The following ANLN variants were observed in gnomAD, a reference collection of about 807,000 sequenced individuals.
ANLN encodes anillin, actin binding protein.
ANLN carries 59 observed loss-of-function variants against 135.1 expected under a neutral mutation model. The ratio of observed to expected loss-of-function variants is 0.44; its 90% confidence interval spans 0.35 to 0.54. ANLN has a LOEUF of 0.54. ANLN is among the 20% of genes least tolerant of loss of function. ANLN has a pLI of 0.00. For missense variants in ANLN, 1,182 were observed against 1,340.0 expected (o/e 0.88, Z 1.84); for synonymous variants, 406 against 456.4 (o/e 0.89, Z 1.41).
intron 1 of ANLN, chr7:36,390,672 A>G (rs900972882): frequency 6.6e-6 from 1 of 152,492 alleles, no homozygotes; most frequent in African/African-American, 2.4e-5. Context: ...TGTACCGAGC[A>G]AAACTATCAG....
chr7:36,425,651 A>G (rs1344817358), intron 17 of ANLN, 51 bp from the exon 18 acceptor site: 6 of 1,372,634 alleles, frequency 4.4e-6, no homozygotes, highest in Non-Finnish European at 6.1e-6. Flanking sequence ...TTACTTTCTG[A>G]GACATAATGT....
chr7:36,429,459 G>T (rs1392436778), intron 20 of ANLN, among the ~76,000 whole-genome samples: 1 of 152,136 alleles, frequency 6.6e-6, no homozygotes, highest in South Asian at 2.1e-4. Flanking sequence ...AACCTCAGGC[G>T]ATCTGCTCGC....
intron 21 of ANLN, among the ~76,000 whole-genome samples, chr7:36,441,259 G>C (rs909010264): frequency 1.5e-4 from 23 of 152,254 alleles, no homozygotes; most frequent in Admixed American, 3.9e-4. Context: ...TTTTAGATGG[G>C]CTCTTAACGA....
Position 36,419,497 on chromosome 7 carries a change from A to T in ANLN, c.1869+18A>T. On this transcript the variant is annotated intron_variant, in intron 10 of 23. Transcript: ENST00000265748. ...GTCCAGAGGTAAGAAAAGGCTAACT[A>T]AACAGGCCCAGGACATAAGTAAACT... 1 of 1,599,452 alleles carries T rather than the reference A, an allele frequency of 6.3e-7. No homozygotes were observed.
chr7:36,437,110 TGAA>T (rs1196090711), intron 20 of ANLN, among the ~76,000 whole-genome samples: 2 of 152,364 alleles, frequency 1.3e-5, no homozygotes, highest in East Asian at 3.9e-4. Context: ...TTTGCATGAC[TGAA>T]ATTCTGTACT....
intron 13 of ANLN, among the ~76,000 whole-genome samples, chr7:36,422,269 C>T (rs1209196542): frequency 2.8e-5 from 4 of 144,322 alleles, no homozygotes; most frequent in Admixed American, 2.1e-4. Flanking sequence ...TATATATACA[C>T]ATGTACACAT....
intron 6 of ANLN, 137 bp from the exon 7 acceptor site, chr7:36,410,922 A>G: frequency 1.1e-6 from 1 of 884,408 alleles, no homozygotes. Flanking sequence ...TTCCATGTGT[A>G]TTATGAACTT....
intron 20 of ANLN, among the ~76,000 whole-genome samples, chr7:36,431,220 G>A (rs1788296224): frequency 1.3e-5 from 2 of 152,252 alleles, no homozygotes; most frequent in South Asian, 4.1e-4. Context: ...GGCATATGAT[G>A]TTTTGGTTCT....
intron 15 of ANLN, 126 bp downstream of exon 15, chr7:36,424,069 A>C: frequency 1.0e-6 from 1 of 980,108 alleles, no homozygotes; most frequent in Non-Finnish European, 1.4e-6. Flanking sequence ...TTATATTGAC[A>C]AATAACCCAT....
chr7:36,395,003 A>G (rs1415992813), intron 1 of ANLN, among the ~76,000 whole-genome samples: 1 of 152,230 alleles, frequency 6.6e-6, no homozygotes, highest in Non-Finnish European at 1.5e-5. Context: ...TTAGTTAAAT[A>G]AAACATAAGA....
At chr7:36,429,722 T>C (rs1788236921) in intron 20 of ANLN, among the ~76,000 whole-genome samples, 1 of 152,206 alleles carries the variant, frequency 6.6e-6, no homozygotes, top group Non-Finnish European at 1.5e-5. Context: ...TTTCTACATA[T>C]GTAAGAGATT....
At chr7:36,397,074 T>C (rs1004117217) in intron 2 of ANLN, among the ~76,000 whole-genome samples, 3 of 152,112 alleles carry the variant, frequency 2.0e-5, no homozygotes, top group African/African-American at 7.2e-5. Flanking sequence ...TAATCTTCCT[T>C]AGTACGACTG....
chr7:36,429,373 A>ACC (rs1788219908), intron 20 of ANLN, among the ~76,000 whole-genome samples: 1 of 152,012 alleles, frequency 6.6e-6, no homozygotes, highest in African/African-American at 2.4e-5. Flanking sequence ...GGCGTGCACC[A>ACC]CCATGCCCAG....
intron 1 of ANLN, among the ~76,000 whole-genome samples, chr7:36,393,022 T>C (rs71537983): frequency 4.6e-5 from 7 of 150,746 alleles, no homozygotes; most frequent in Non-Finnish European, 8.9e-5. Context: ...TATTTCTTTT[T>C]TCTTTTTTCG....
At chr7:36,439,325 T>A in intron 21 of ANLN, 35 bp downstream of exon 21, 1 of 1,196,192 alleles carries the variant, frequency 8.4e-7, no homozygotes, top group Non-Finnish European at 1.2e-6. Context: ...ACTTCCTTTT[T>A]TCCATTTTGT....
chr7:36,405,985 TCG>T (rs1222982342), intron 3 of ANLN, among the ~76,000 whole-genome samples, 194 bp from the exon 4 acceptor site: 1 of 152,232 alleles, frequency 6.6e-6, no homozygotes, highest in Non-Finnish European at 1.5e-5. Flanking sequence ...TTTTTTAATT[TCG>T]GATTTAATAT....
At chr7:36,413,690 A>G (rs948201174) in intron 7 of ANLN, among the ~76,000 whole-genome samples, 3 of 152,146 alleles carry the variant, frequency 2.0e-5, no homozygotes, top group African/African-American at 7.2e-5. Context: ...AGTTGAAGGC[A>G]GTGTCTTTAA....
chr7:36,436,071 A>G (rs918081939), intron 20 of ANLN, among the ~76,000 whole-genome samples: 3 of 152,080 alleles, frequency 2.0e-5, no homozygotes, highest in Admixed American at 1.3e-4. Flanking sequence ...AAATATTTTT[A>G]TGTCTCTAAA....
Position 36,420,228 on chromosome 7 carries a change from A to C in ANLN, c.1929A>C (p.Pro643=), listed in dbSNP as rs1787817317. 6.2e-7 allele frequency: 1 copy of C among 1,614,012 alleles called. No homozygotes were observed. Among genetic ancestry groups the C allele is most frequent in the Non-Finnish European group, 8.5e-7 (1 of 1,179,984 alleles). Residue 643 remains proline (P), a synonymous_variant, in exon 11 of 24, where the codon CCA becomes CCC. Coordinates refer to ENST00000265748, the MANE Select transcript of ANLN (RefSeq NM_018685.5). Reference sequence around the variant, plus strand: ...ACACCAGCAGAAGTGATGAAAGTCCAAAACCAGGAAAATTCCAAAGAACTC... The same window carrying C: ...ACACCAGCAGAAGTGATGAAAGTCCCAAACCAGGAAAATTCCAAAGAACTC... The part of the protein sequence containing the change: ...LKDTSRSDES[P]KPGKFQRTRV...
Sources: allele counts gnomAD v4.1 joint callset (sites outside exome capture counted in the v4.1 genomes callset), GRCh38; gene constraint gnomAD v4.1.1; transcripts MANE v1.5; gene names NCBI Gene and HGNC (gene_info 2026-07-23, HGNC 2026-07-21).